Variants in OPN3 observed in about 807,000 individuals in gnomAD.
OPN3 encodes the protein opsin-3.
In OPN3, 29 loss-of-function variants were observed where a neutral mutation model predicts 33.8. That is an observed-to-expected ratio of 0.86 (90% CI 0.64 to 1.17). The LOEUF (loss-of-function observed/expected upper bound fraction) is 1.17. Among genes scored for constraint, OPN3 ranks in the 50% most tolerant of loss-of-function variants. The pLI is 0.00. For missense variants in OPN3, 437 were observed against 514.1 expected (o/e 0.85, Z 1.45); for synonymous variants, 216 against 216.1 (o/e 1.00, Z 0.00).
intron 1 of OPN3, among the ~76,000 whole-genome samples, chr1:241,625,356 A>G (rs1293178094): frequency 6.6e-6 from 1 of 152,194 alleles, no homozygotes; most frequent in Admixed American, 6.5e-5. Context: ...TTAATTTGCC[A>G]ATAGTCTGTC....
In OPN3 at chr1:241,620,224, T is replaced by C. The variant is rs192182380; in HGVS notation, c.374-15645A>G. Among the ~76,000 whole-genome samples the C allele has an allele frequency of 1.3e-4, 19 of 147,008 alleles. 1 individual carries two copies. The East Asian group carries it at 3.6e-3, about 28-fold the overall frequency. On this transcript the variant is annotated intron_variant, in intron 1 of 3. Coordinates refer to ENST00000366554, the MANE Select transcript of OPN3 (RefSeq NM_014322.3). ...TTTAATTATAAACCCTAGAGCAGCATTGTTCAGTAGAAATATAATGTGAGC... is the reference window on the plus strand; with the variant it reads ...TTTAATTATAAACCCTAGAGCAGCACTGTTCAGTAGAAATATAATGTGAGC...
At chr1:241,595,212 C>T (rs141402928) in intron 3 of OPN3, 326 of 152,744 alleles carry the variant, frequency 2.1e-3, no homozygotes, top group Non-Finnish European at 3.8e-3. Flanking sequence ...TAGCAGACAG[C>T]ACTAATGTCA....
chr1:241,640,312 G>A lies in OPN3; in HGVS notation c.-58C>T. 3 of 1,099,796 alleles carry A rather than the reference G, an allele frequency of 2.7e-6. No individual in the cohort carries two copies. Among genetic ancestry groups the A allele is most frequent in the African/African-American group, 3.3e-5 (2 of 59,850 alleles). 68.1% of individuals were successfully genotyped at this position (1,099,796 alleles called of 1,614,324 possible). On this transcript the variant is annotated 5_prime_UTR_variant, in exon 1 of 4. Coordinates refer to ENST00000366554, the MANE Select transcript of OPN3 (RefSeq NM_014322.3). ...CGCTCAGCTTGCGGCGGGGCTCGCG[G>A]CGCGCTCCGCACTGGGTGGGGTTGG...
chr1:241,634,961 C>A (rs148967774), intron 1 of OPN3: 3 of 1,613,426 alleles, frequency 1.9e-6, no homozygotes, highest in South Asian at 1.1e-5. Flanking sequence ...CTTTCCTTCC[C>A]GAAATGCAAG....
intron 1 of OPN3, among the ~76,000 whole-genome samples, chr1:241,618,984 A>G (rs576356560): frequency 4.0e-5 from 6 of 151,540 alleles, no homozygotes; most frequent in Non-Finnish European, 8.8e-5. Flanking sequence ...ATATATATAT[A>G]TATATATTTC....
chr1:241,633,732 T>C, intron 1 of OPN3: 1 of 1,570,576 alleles, frequency 6.4e-7, no homozygotes. Context: ...GAAACTGTCC[T>C]TTAAATGAGA....
At chr1:241,616,060 G>A (rs778016303) in intron 1 of OPN3, 46 of 431,304 alleles carry the variant, frequency 1.1e-4, no homozygotes, top group Non-Finnish European at 1.6e-4. Flanking sequence ...TTCAAGCTGC[G>A]TTAGTATCAG....
At chr1:241,631,725 G>A (rs1210112821) in intron 1 of OPN3, 3 of 151,998 alleles carry the variant, frequency 2.0e-5, no homozygotes, top group South Asian at 2.1e-4. Context: ...ATTCTGCTTC[G>A]AGATCCATGC....
intron 3 of OPN3, chr1:241,595,688 T>C (rs779284824): frequency 2.0e-5 from 3 of 152,244 alleles, no homozygotes; most frequent in African/African-American, 4.8e-5. Flanking sequence ...TGTTTTGTTT[T>C]ACAGCAAACA....
intron 1 of OPN3, among the ~76,000 whole-genome samples, chr1:241,619,063 T>G (rs1664208581): frequency 6.6e-6 from 1 of 152,032 alleles, no homozygotes; most frequent in Middle Eastern, 3.2e-3. Flanking sequence ...ATGGTGCCTT[T>G]TATGTGTGAA....
rs766556140 is a variant in OPN3, at chr1:241,593,602, T to C, written c.*826A>G. 39 of 224,074 alleles carry C rather than the reference T, an allele frequency of 1.7e-4. No homozygotes were observed. The highest frequency in any genetic ancestry group is 2.8e-4 in the Non-Finnish European group (29 of 102,784). 13.9% of individuals were successfully genotyped at this position (224,074 alleles called of 1,614,324 possible). ...TGGGGCCCCTATAACAAAAGACAGATTGACAAGAGAAAAACAAACATAAAT... is the reference window on the plus strand; with the variant it reads ...TGGGGCCCCTATAACAAAAGACAGACTGACAAGAGAAAAACAAACATAAAT... On this transcript the variant is annotated 3_prime_UTR_variant, in exon 4 of 4. Coordinates refer to ENST00000366554, the MANE Select transcript of OPN3 (RefSeq NM_014322.3).
Position 241,597,830 on chromosome 1 carries a change from A to G in OPN3, c.861T>C (p.Thr287=). 6.2e-7 allele frequency: 1 copy of G among 1,613,908 alleles called. No individual in the cohort carries two copies. The highest frequency in any genetic ancestry group is 2.2e-5 in the East Asian group (1 of 44,848). ...LVVNGHGHLV[T]PTISIVSYLF... ...GGTACGAAACAATAGATATTGTTGG[A>G]GTGACCAGGTGACCATGACCATTAA... The change falls in exon 3 of 4, where the codon ACT becomes ACC. Residue 287 remains threonine (T), a synonymous_variant. Transcript: ENST00000366554.
At chr1:241,627,862 T>G (rs995955435) in intron 1 of OPN3, among the ~76,000 whole-genome samples, 1 of 152,176 alleles carries the variant, frequency 6.6e-6, no homozygotes, top group Non-Finnish European at 1.5e-5. Context: ...TGAAGGCAAA[T>G]AAAATTAATC....
intron 1 of OPN3, among the ~76,000 whole-genome samples, chr1:241,621,717 G>A (rs1433977044): frequency 6.6e-6 from 1 of 152,030 alleles, no homozygotes. Context: ...GGGAGTGTAC[G>A]GCTCATGAAG....
chr1:241,603,907 A>G (rs1558438331), intron 2 of OPN3, among the ~76,000 whole-genome samples: 1 of 152,256 alleles, frequency 6.6e-6, no homozygotes, highest in Non-Finnish European at 1.5e-5. Flanking sequence ...TCAAATTCAT[A>G]TGACCTCTGA....
rs80336474 is a variant in OPN3, at chr1:241,634,517, C to T, written c.373+5365G>A. The T allele has an allele frequency of 1.9e-3, 3,033 of 1,613,850 alleles. 46 individuals are homozygous for T. The African/African-American group carries it at 0.036, about 19-fold the overall frequency. Reference sequence around the variant, plus strand: ...AAAGTGATCTATAATTGCTTTACATCGTCCAGATTCTTTGTCGACTACAAA... The same window carrying T: ...AAAGTGATCTATAATTGCTTTACATTGTCCAGATTCTTTGTCGACTACAAA... On this transcript the variant is annotated intron_variant, in intron 1 of 3. Coordinates refer to ENST00000366554, the MANE Select transcript of OPN3 (RefSeq NM_014322.3).
At chr1:241,599,283 G>A (rs559396427) in intron 2 of OPN3, among the ~76,000 whole-genome samples, 5 of 151,466 alleles carry the variant, frequency 3.3e-5, no homozygotes, top group African/African-American at 1.2e-4. Context: ...GCCATTAAAG[G>A]TAAACCTTTG....
At chr1:241,604,768 C>A (rs900834592) in intron 1 of OPN3, among the ~76,000 whole-genome samples, 189 bp from the exon 2 acceptor site, 5 of 152,094 alleles carry the variant, frequency 3.3e-5, no homozygotes, top group African/African-American at 9.7e-5. Flanking sequence ...ATAAAAGGAA[C>A]CACAGAAGGG....
intron 1 of OPN3, among the ~76,000 whole-genome samples, chr1:241,624,983 A>G (rs143959674): frequency 1.4e-4 from 21 of 152,356 alleles, no homozygotes; most frequent in African/African-American, 3.8e-4. Flanking sequence ...TAAAATAAAT[A>G]TAGCAACCAT....
Sources: allele counts gnomAD v4.1 joint callset (sites outside exome capture counted in the v4.1 genomes callset), GRCh38; gene constraint gnomAD v4.1.1; transcripts MANE v1.5; gene names NCBI Gene and HGNC (gene_info 2026-07-23, HGNC 2026-07-21).